The following POLE2 variants were observed in gnomAD, a reference collection of about 807,000 sequenced individuals.
POLE2 encodes the protein DNA polymerase epsilon subunit 2.
In POLE2, 56 loss-of-function variants were observed where a neutral mutation model predicts 79.4. The observed-to-expected ratio is 0.71, with a 90% confidence interval of 0.57 to 0.88. The LOEUF is 0.88. POLE2 is among the 40% of genes least tolerant of loss of function. The pLI is 0.00. For missense variants in POLE2, 598 were observed against 638.9 expected, an observed-to-expected ratio of 0.94 and a Z score of 0.69; for synonymous variants, 212 against 214.0, an observed-to-expected ratio of 0.99 and a Z score of 0.08.
intron 3 of POLE2, among the ~76,000 whole-genome samples, chr14:49,678,597 G>A (rs776485077): frequency 6.6e-6 from 1 of 152,052 alleles, no homozygotes; most frequent in Non-Finnish European, 1.5e-5. Flanking sequence ...TCAAACTTCA[G>A]TACAATCATT....
chr14:49,666,357 A>C lies in POLE2; in HGVS notation c.549T>G (p.Val183=). The C allele has an allele frequency of 6.4e-7, 1 of 1,550,830 alleles. No homozygotes were observed. ...CTTTTAACTGCGTTATCATTCCAAG[A>C]ACAATCGCATCTCCGATTTTGGTTG... ...GSTTKIGDAI[V]LGMITQLKEG... is the part of the protein sequence containing the mutation. Residue 183 remains valine, a synonymous_variant, in exon 7 of 19, where the codon GTT becomes GTG. Coordinates refer to ENST00000216367, the MANE Select transcript of POLE2 (RefSeq NM_002692.4).
intron 10 of POLE2, 75 bp from the exon 11 acceptor site, chr14:49,655,918 CT>C (rs758479419): frequency 1.5e-5 from 11 of 740,312 alleles, no homozygotes; most frequent in Non-Finnish European, 2.2e-5. Flanking sequence ...CATTTAGCTT[CT>C]TTGTATCTAA....
At chr14:49,681,421 C>A in intron 2 of POLE2, 1 of 162,010 alleles carries the variant, frequency 6.2e-6, no homozygotes. Flanking sequence ...TTGGTGGCCC[C>A]ATTCTAGCTT....
chr14:49,660,328 C>G (rs2139638830), intron 10 of POLE2, among the ~76,000 whole-genome samples: 1 of 152,244 alleles, frequency 6.6e-6, no homozygotes, highest in Non-Finnish European at 1.5e-5. Flanking sequence ...CAACACATTT[C>G]TCAGGATGTA....
intron 2 of POLE2, among the ~76,000 whole-genome samples, chr14:49,680,078 G>A (rs978961254): frequency 6.6e-6 from 1 of 152,116 alleles, no homozygotes. Flanking sequence ...AGCTAGGGTC[G>A]GTGGCTCACA....
rs1886160815 is a variant in POLE2, at chr14:49,674,969, A to T, written c.246-542T>A. Among the ~76,000 whole-genome samples the T allele has an allele frequency of 2.0e-5, 3 of 152,344 alleles. No homozygotes were observed. In the South Asian group the frequency reaches 6.2e-4, roughly 32 times the overall value. On this transcript the variant is annotated intron_variant, in intron 3 of 18. Coordinates refer to ENST00000216367, the MANE Select transcript of POLE2 (RefSeq NM_002692.4). ...GCATTGCCAAAACTCTCAAGAAAAA[A>T]ATTAATCAAGTTAATTTCCAGTTAA... is the stretch of plus-strand genomic sequence containing the variant.
chr14:49,656,009 G>A (rs1385406050), intron 10 of POLE2, among the ~76,000 whole-genome samples, 166 bp from the exon 11 acceptor site: 1 of 152,080 alleles, frequency 6.6e-6, no homozygotes, highest in African/African-American at 2.4e-5. Context: ...TCTAAAACAA[G>A]ATAAGCAATA....
chr14:49,645,782 C>G (rs1312655549), intron 18 of POLE2, among the ~76,000 whole-genome samples: 7 of 152,206 alleles, frequency 4.6e-5, no homozygotes, highest in Non-Finnish European at 7.3e-5. Flanking sequence ...AGGTGTGGGC[C>G]ACCACACCCA....
At chr14:49,647,869 T>C (rs1376750540) in intron 17 of POLE2, among the ~76,000 whole-genome samples, 1 of 152,268 alleles carries the variant, frequency 6.6e-6, no homozygotes, top group African/African-American at 2.4e-5. Context: ...ACGATCTTTT[T>C]ACAGAGTTGT....
chr14:49,681,253 C>A, intron 2 of POLE2: 1 of 209,830 alleles, frequency 4.8e-6, no homozygotes, highest in East Asian at 1.1e-4. Context: ...AAAAAGGTCC[C>A]TGAATCCCTA....
chr14:49,652,605 T>A (rs1884354269), intron 15 of POLE2, among the ~76,000 whole-genome samples: 1 of 152,146 alleles, frequency 6.6e-6, no homozygotes, highest in African/African-American at 2.4e-5. Flanking sequence ...ACGAATCCTG[T>A]TGTGAACTGT....
intron 3 of POLE2, chr14:49,677,572 T>C: frequency 2.1e-6 from 1 of 484,548 alleles, no homozygotes; most frequent in Non-Finnish European, 3.7e-6. Flanking sequence ...CATCTCCTAC[T>C]GAGCCCTAGA....
At chr14:49,666,725 A>G (rs999756250) in intron 6 of POLE2, among the ~76,000 whole-genome samples, 4 of 152,162 alleles carry the variant, frequency 2.6e-5, no homozygotes, top group Admixed American at 6.5e-5. Flanking sequence ...TTAAATATAG[A>G]AAAGAATATC....
intron 10 of POLE2, among the ~76,000 whole-genome samples, chr14:49,659,540 G>A (rs1884952765): frequency 6.6e-6 from 1 of 152,010 alleles, no homozygotes; most frequent in Admixed American, 6.6e-5. Flanking sequence ...TTTTTTAAAG[G>A]TTATAAAGAA....
At chr14:49,680,757 CTT>C (rs939921911) in intron 2 of POLE2, among the ~76,000 whole-genome samples, 15 of 140,892 alleles carry the variant, frequency 1.1e-4, no homozygotes, top group Admixed American at 1.4e-4. Context: ...GTATCATTTT[CTT>C]TTTTTTTTTT....
chr14:49,671,105 A>G (rs1201778597), intron 5 of POLE2, among the ~76,000 whole-genome samples: 7 of 152,362 alleles, frequency 4.6e-5, no homozygotes, highest in African/African-American at 1.7e-4. Context: ...TCACAGATGA[A>G]TAAACGAGGC....
intron 9 of POLE2, among the ~76,000 whole-genome samples, chr14:49,664,395 T>G (rs1885327184): frequency 6.6e-6 from 1 of 152,082 alleles, no homozygotes; most frequent in Admixed American, 6.6e-5. Context: ...TTCGGTGATT[T>G]TTAGTATATT....
intron 5 of POLE2, among the ~76,000 whole-genome samples, chr14:49,673,639 A>G (rs998035544): frequency 2.6e-5 from 4 of 152,200 alleles, no homozygotes; most frequent in Admixed American, 6.5e-5. Context: ...ACAAATGTCT[A>G]TAACTTCATA....
chr14:49,663,545 T>G (rs1187794088), intron 9 of POLE2, among the ~76,000 whole-genome samples, 158 bp from the exon 10 acceptor site: 1 of 152,226 alleles, frequency 6.6e-6, no homozygotes, highest in Non-Finnish European at 1.5e-5. Flanking sequence ...CAACTTTAGA[T>G]CCACAGAGAG....
Sources: gnomAD v4.1 joint callset for allele counts (sites outside exome capture counted in the v4.1 genomes callset) on GRCh38, gnomAD v4.1.1 for gene constraint, MANE v1.5 for transcripts, NCBI Gene and HGNC (gene_info 2026-07-23, HGNC 2026-07-21) for gene names.